Variants in KIAA1217 observed in about 807,000 individuals in gnomAD.
The protein encoded by KIAA1217 is sickle tail protein homolog.
KIAA1217 carries 88 observed loss-of-function variants against 163.9 expected under a neutral mutation model. That is an observed-to-expected ratio of 0.54 (90% CI 0.45 to 0.64). The LOEUF is 0.64. Ranked by LOEUF, KIAA1217 falls within the 30% of genes least tolerant of loss-of-function variation. KIAA1217 has a pLI of 0.00. For missense variants in KIAA1217, 2,372 were observed against 2,475.0 expected (o/e 0.96, Z 0.88); for synonymous variants, 903 against 923.1 (o/e 0.98, Z 0.39).
At chr10:23,838,598 T>G (rs953935287) in intron 1 of KIAA1217, among the ~76,000 whole-genome samples, 5 of 152,086 alleles carry the variant, frequency 3.3e-5, no homozygotes, top group African/African-American at 1.2e-4. Flanking sequence ...GTAGCTGGAA[T>G]TACAGGTGCC....
At chr10:24,479,874 T>C (rs2064447631) in intron 6 of KIAA1217, among the ~76,000 whole-genome samples, 1 of 152,136 alleles carries the variant, frequency 6.6e-6, no homozygotes. Flanking sequence ...ATCCAATCTC[T>C]TAAAAGCGAG....
At chr10:23,800,326 A>C (rs1015840825) in intron 1 of KIAA1217, among the ~76,000 whole-genome samples, 1 of 152,210 alleles carries the variant, frequency 6.6e-6, no homozygotes, top group African/African-American at 2.4e-5. Context: ...AGGGAGCAAA[A>C]GCCAAGGAGC....
At chr10:24,148,611 C>A (rs1176308385) in intron 2 of KIAA1217, among the ~76,000 whole-genome samples, 3 of 152,036 alleles carry the variant, frequency 2.0e-5, no homozygotes, top group African/African-American at 4.8e-5. Context: ...TCTTCTTGCT[C>A]CCTCTCTCAT....
intron 1 of KIAA1217, among the ~76,000 whole-genome samples, chr10:23,949,856 C>T (rs527670681): frequency 9.2e-5 from 14 of 152,210 alleles, no homozygotes; most frequent in African/African-American, 2.4e-4. Context: ...GAAGTGAATA[C>T]GGTGAACTGG....
chr10:24,332,044 A>G (rs115579100), intron 2 of KIAA1217, among the ~76,000 whole-genome samples: 3,789 of 152,248 alleles, frequency 0.025, 156 homozygotes, highest in African/African-American at 0.086. Flanking sequence ...CAGGTGATCC[A>G]CATTCCTTGG....
chr10:24,176,616 A>ATAAAAGT (rs1436451153), intron 2 of KIAA1217, among the ~76,000 whole-genome samples: 1 of 152,266 alleles, frequency 6.6e-6, no homozygotes, highest in African/African-American at 2.4e-5. Context: ...CCAGCTAGAC[A>ATAAAAGT]TAAAAGTTCT....
At chr10:24,429,977 TA>T (rs1041901542) in intron 3 of KIAA1217, among the ~76,000 whole-genome samples, 1 of 151,614 alleles carries the variant, frequency 6.6e-6, no homozygotes, top group Non-Finnish European at 1.5e-5. Flanking sequence ...ACCCCATCAC[TA>T]AAAAAAATAT....
intron 1 of KIAA1217, among the ~76,000 whole-genome samples, chr10:23,728,516 T>TG (rs578108025): frequency 0.011 from 1,661 of 152,102 alleles, 25 homozygotes; most frequent in African/African-American, 0.038. Flanking sequence ...GGTTTTTTTT[T>TG]TTGTTGTAAA....
At chr10:24,110,565 C>T (rs2062807683) in intron 2 of KIAA1217, among the ~76,000 whole-genome samples, 2 of 151,346 alleles carry the variant, frequency 1.3e-5, no homozygotes, top group South Asian at 4.2e-4. Context: ...TAATTTCTTT[C>T]CTGTCTTCCT....
rs148663285 is a variant in KIAA1217 at position 23,900,718 on chromosome 10, A to G, written c.-320-106507A>G. On this transcript the variant is annotated intron_variant, in intron 1 of 18. Coordinates refer to the KIAA1217 transcript ENST00000376462. ...TCATCTGGGTTACCTCTAAGGTACC[A>G]TCAAAGGACTTTGTATATAGGAGGT... is the stretch of plus-strand genomic sequence containing the variant. 4.9e-3 allele frequency among the ~76,000 whole-genome samples: 745 copies of G among 152,212 alleles called. 4 individuals are homozygous for G. The highest frequency in any genetic ancestry group is 6.5e-3 in the Non-Finnish European group (445 of 67,984).
At chr10:24,495,085 T>TAAAAA in intron 7 of KIAA1217, 62 bp from the exon 8 acceptor site, 9 of 1,233,720 alleles carry the variant, frequency 7.3e-6, no homozygotes, top group Admixed American at 2.2e-5. Flanking sequence ...GAATGGGCTT[T>TAAAAA]AAAAAAAAAA....
intron 3 of KIAA1217, among the ~76,000 whole-genome samples, chr10:24,388,710 C>A (rs1197237305): frequency 5.5e-5 from 8 of 144,236 alleles, no homozygotes; most frequent in Non-Finnish European, 9.5e-5. Context: ...AACAAATTTA[C>A]AAGAAAAAAT....
intron 1 of KIAA1217, among the ~76,000 whole-genome samples, chr10:23,998,005 C>T (rs12259091): frequency 1.3e-5 from 2 of 151,290 alleles, no homozygotes; most frequent in Non-Finnish European, 2.9e-5. Context: ...CCCCCCAAAA[C>T]TAATCTAACT....
chr10:24,279,094 C>T (rs1298070884), intron 2 of KIAA1217, among the ~76,000 whole-genome samples: 1 of 152,066 alleles, frequency 6.6e-6, no homozygotes. Context: ...CACATCTTGG[C>T]CTCCCAAAGT....
chr10:24,158,730 G>A, intron 2 of KIAA1217: 1 of 501,116 alleles, frequency 2.0e-6, no homozygotes. Flanking sequence ...GTGATTATCA[G>A]GTTATTTCTG....
intron 1 of KIAA1217, among the ~76,000 whole-genome samples, chr10:23,905,875 A>T (rs1842141427): frequency 6.6e-6 from 1 of 152,166 alleles, no homozygotes; most frequent in South Asian, 2.1e-4. Context: ...TTGTGCTGTT[A>T]TAAGAAAATA....
At chr10:23,705,298 G>GT (rs904774799) in intron 1 of KIAA1217, among the ~76,000 whole-genome samples, 13 of 151,694 alleles carry the variant, frequency 8.6e-5, no homozygotes, top group African/African-American at 2.2e-4. Flanking sequence ...ACAATTATCT[G>GT]TTTTTTTTCT....
At chr10:24,114,311 G>A (rs147255324) in intron 2 of KIAA1217, among the ~76,000 whole-genome samples, 97 of 152,056 alleles carry the variant, frequency 6.4e-4, no homozygotes, top group Non-Finnish European at 1.1e-3. Context: ...TGCACATTGT[G>A]CACATGTACC....
Position 24,496,353 on chromosome 10 carries a change from C to T in KIAA1217, c.1834+1157C>T, listed in dbSNP as rs554730233. ...GAAATTGCTAAACTTGTCTTCAGAGCAATTGCCAGTTTGTTTCGGAGATAC... is the reference window on the plus strand; with the variant it reads ...GAAATTGCTAAACTTGTCTTCAGAGTAATTGCCAGTTTGTTTCGGAGATAC... On this transcript the variant is annotated intron_variant, in intron 8 of 20. Transcript: ENST00000376454. 8.4e-4 allele frequency among the ~76,000 whole-genome samples: 128 copies of T among 152,328 alleles called. 1 individual carries two copies. The highest frequency in any genetic ancestry group is 2.9e-3 in the African/African-American group (121 of 41,576).
Sources: allele counts gnomAD v4.1 joint callset (sites outside exome capture counted in the v4.1 genomes callset), GRCh38; gene constraint gnomAD v4.1.1; transcripts MANE v1.5; gene names NCBI Gene and HGNC (gene_info 2026-07-23, HGNC 2026-07-21).